The following BSN variants were observed in gnomAD, a reference collection of about 807,000 sequenced individuals.
BSN encodes the protein protein bassoon.
A neutral mutation model predicts 264.8 loss-of-function variants in BSN; 57 were observed. That is an observed-to-expected ratio of 0.22 (90% CI 0.17 to 0.27). BSN has a LOEUF of 0.27. Among genes scored for constraint, BSN ranks in the 10% least tolerant of loss-of-function variants. The pLI is 1.00. For missense variants in BSN, 4,615 were observed against 5,232.5 expected, an observed-to-expected ratio of 0.88 and a Z score of 3.64; for synonymous variants, 2,059 against 2,137.3, an observed-to-expected ratio of 0.96 and a Z score of 1.01.
intron 1 of BSN, among the ~76,000 whole-genome samples, chr3:49,616,817 G>A (rs532301726): frequency 1.3e-5 from 2 of 152,284 alleles, no homozygotes; most frequent in Admixed American, 1.3e-4. Context: ...GCCTTTCTGG[G>A]GGCTTCTGAC....
At position 49,663,453 on chromosome 3, in the gene BSN, G is replaced by A; in HGVS notation, c.11295G>A (p.Arg3765=). ...AGCAGTCACAGTCACCATCATCCAG[G>A]CAAATACCCTCTGGGGCAGCATCAC... ...GPQQSQSPSS[R]QIPSGAASRQ... Residue 3765 remains arginine (R), a synonymous_variant, in exon 7 of 12, where the codon AGG becomes AGA. Coordinates refer to ENST00000296452, the MANE Select transcript of BSN (RefSeq NM_003458.4). 1 of 1,612,954 alleles carries A rather than the reference G, an allele frequency of 6.2e-7. No individual in the cohort carries two copies.
At chr3:49,578,401 A>G (rs568211419) in intron 1 of BSN, among the ~76,000 whole-genome samples, 46 of 122,602 alleles carry the variant, frequency 3.8e-4, no homozygotes, top group Non-Finnish European at 5.5e-4. Context: ...TTCTACAACC[A>G]AAGCTACAGT....
At position 49,660,678 on chromosome 3, in the gene BSN, G is replaced by A; in HGVS notation, c.8833G>A (p.Asp2945Asn). The change falls in exon 6 of 12, where the codon GAC becomes AAC. Residue 2945 changes from aspartate (D) to asparagine (N), a missense_variant. Physicochemically the swap from Asp to Asn is conservative, Grantham distance 23. Coordinates refer to ENST00000296452, the MANE Select transcript of BSN (RefSeq NM_003458.4). The surrounding 1 kb of genome is among the most constrained non-coding windows in gnomAD (Gnocchi z 7.1). ...CAAGGCCAGCCTGCTCCGGGAGCTG[G>A]ACCGGGACCTGCGGCTGGTGGAGCA... is the stretch of plus-strand genomic sequence containing the variant. ...ATKASLLREL[D>N]RDLRLVEHES... 1 of 1,613,394 alleles carries A rather than the reference G, an allele frequency of 6.2e-7. No homozygotes were observed. Among genetic ancestry groups the A allele is most frequent in the South Asian group, 1.1e-5 (1 of 91,080 alleles).
rs1479119461 is a variant in BSN, at chr3:49,613,129, A to G, written c.225-11846A>G. ...GACTGGGCAACAAGAGTGAAACTCCATCTAAAGAAAACAACAACAACAACA... is the reference window on the plus strand; with the variant it reads ...GACTGGGCAACAAGAGTGAAACTCCGTCTAAAGAAAACAACAACAACAACA... On this transcript the variant is annotated intron_variant, in intron 1 of 11. Coordinates refer to ENST00000296452, the MANE Select transcript of BSN (RefSeq NM_003458.4). Among the ~76,000 whole-genome samples the G allele has an allele frequency of 3.3e-5, 5 of 152,050 alleles. No homozygotes were observed. The South Asian group carries it at 1.0e-3, about 32-fold the overall frequency.
At chr3:49,558,335 T>C (rs2051689668) in intron 1 of BSN, among the ~76,000 whole-genome samples, 1 of 152,356 alleles carries the variant, frequency 6.6e-6, no homozygotes, top group South Asian at 2.1e-4. Context: ...CCCTTCTCCA[T>C]CATTGCCCAT....
intron 1 of BSN, among the ~76,000 whole-genome samples, chr3:49,620,167 G>A (rs2052294005): frequency 1.3e-5 from 2 of 152,166 alleles, no homozygotes; most frequent in African/African-American, 4.8e-5. Flanking sequence ...GAGGGAGCAA[G>A]TGTCTGCAGA....
rs1251006915 is a variant in BSN, at chr3:49,625,299, C to T, written c.549C>T (p.Ser183=). Residue 183 remains serine, a synonymous_variant, in exon 2 of 12, where the codon AGC becomes AGT. Transcript: ENST00000296452. The surrounding 1 kb of genome is among the most constrained non-coding windows in gnomAD (Gnocchi z 4.4). ...CTTCGGACCTCACGTCGACCCCCAG[C>T]CAGCCAAACTTCAACACCTGCACCC... is the stretch of plus-strand genomic sequence containing the variant. ...CKTSDLTSTP[S]QPNFNTCTQC... 1.2e-6 allele frequency: 2 copies of T among 1,601,658 alleles called. No individual in the cohort carries two copies. The highest frequency in any genetic ancestry group is 1.1e-5 in the South Asian group (1 of 88,698).
At chr3:49,572,651 A>G (rs1392920706) in intron 1 of BSN, among the ~76,000 whole-genome samples, 1 of 152,098 alleles carries the variant, frequency 6.6e-6, no homozygotes, top group Non-Finnish European at 1.5e-5. Context: ...CTCCTGCCTC[A>G]GCCTCACGAG....
intron 1 of BSN, among the ~76,000 whole-genome samples, chr3:49,579,675 C>A (rs1448814815): frequency 6.6e-6 from 1 of 151,710 alleles, no homozygotes; most frequent in Non-Finnish European, 1.5e-5. Context: ...CCAGCCTCGG[C>A]CTCCCAAGGT....
At chr3:49,565,303 C>A (rs1324127390) in intron 1 of BSN, among the ~76,000 whole-genome samples, 2 of 135,380 alleles carry the variant, frequency 1.5e-5, no homozygotes, top group South Asian at 2.6e-4. Context: ...CCACCCACCA[C>A]GCCCAGCTAA....
Position 49,660,981 on chromosome 3 carries a change from T to G in BSN, c.9136T>G (p.Ser3046Ala), listed in dbSNP as rs1479340110. The change falls in exon 6 of 12, where the codon TCT becomes GCT. Residue 3046 changes from serine to alanine, a missense_variant. By Grantham distance (99) the Ser-to-Ala change is moderately conservative. Around this residue, in one of 3 missense-constraint regions of BSN, gnomAD observed 3,415 missense variants for 3,866.4 expected, o/e 0.88. Coordinates refer to ENST00000296452, the MANE Select transcript of BSN (RefSeq NM_003458.4). The surrounding 1 kb of genome is among the most constrained non-coding windows in gnomAD (Gnocchi z 7.1). ...CACTGCCGCTGCTCCTGCCACCCCC[T>G]CTGGTCCCACTGCCTTCCAGCAGCC... ...PATAAAPATP[S>A]GPTAFQQPRF... The G allele has an allele frequency of 1.9e-6, 3 of 1,611,386 alleles. No individual in the cohort carries two copies. The highest frequency in any genetic ancestry group is 2.5e-6 in the Non-Finnish European group (3 of 1,179,968).
At chr3:49,618,495 G>T (rs1245600049) in intron 1 of BSN, among the ~76,000 whole-genome samples, 2 of 152,124 alleles carry the variant, frequency 1.3e-5, no homozygotes, top group Non-Finnish European at 2.9e-5. Flanking sequence ...ATTCCCCTAT[G>T]TGAAAACCTT....
intron 1 of BSN, among the ~76,000 whole-genome samples, chr3:49,573,306 A>T (rs1559594980): frequency 6.6e-6 from 1 of 152,200 alleles, no homozygotes; most frequent in Admixed American, 6.5e-5. Context: ...GGAACCACAC[A>T]TGCAAAGGCC....
rs775422909 is a variant in BSN, at chr3:49,656,715, C to A, written c.7159C>A (p.Gln2387Lys). The A allele has an allele frequency of 2.2e-5, 34 of 1,579,790 alleles. No homozygotes were observed. Among genetic ancestry groups the A allele is most frequent in the Non-Finnish European group, 9.5e-6 (11 of 1,162,430 alleles). The change falls in exon 5 of 12, where the codon CAA (glutamine) becomes AAA (lysine). Residue 2387 changes from glutamine to lysine, a missense_variant. This residue lies in a region of BSN where 3,415 missense variants were observed against 3,866.4 expected (regional missense o/e 0.88). Transcript: ENST00000296452. ...RERVELEKLR[Q>K]LRLQEELERE... Reference sequence around the variant, plus strand: ...GCGGGTGGAGTTGGAGAAGCTGCGACAACTTCGGCTGCAAGAGGAGCTAGA... The same window carrying A: ...GCGGGTGGAGTTGGAGAAGCTGCGAAAACTTCGGCTGCAAGAGGAGCTAGA...
intron 1 of BSN, among the ~76,000 whole-genome samples, chr3:49,602,154 G>A (rs893579635): frequency 6.6e-6 from 1 of 152,230 alleles, no homozygotes; most frequent in Non-Finnish European, 1.5e-5. Context: ...TCCTTGGAGT[G>A]CCCTTGAGTT....
At position 49,573,657 on chromosome 3, in the gene BSN, GT is replaced by G. The variant is rs965564780; in HGVS notation, c.224+18848del. 1.8e-3 allele frequency among the ~76,000 whole-genome samples: 259 copies of G among 141,864 alleles called. 2 individuals carry two copies. Among genetic ancestry groups the G allele is most frequent in the Middle Eastern group, 0.015 (4 of 274 alleles). The allele number at this position is 141,864 out of a possible 152,430, so 93.1% of individuals were successfully genotyped here. A position where few individuals can be genotyped will look rare whatever the true frequency, so the allele number is the denominator to read the frequency against. ...AGGTAGCAGCAGTACTTTCTCTCTGGTTTTTTTTTTTTTTTTTGAGACGGAG... is the reference window on the plus strand; with the variant it reads ...AGGTAGCAGCAGTACTTTCTCTCTGGTTTTTTTTTTTTTTTTGAGACGGAG... On this transcript the variant is annotated intron_variant, in intron 1 of 11. Coordinates refer to ENST00000296452, the MANE Select transcript of BSN (RefSeq NM_003458.4).
intron 1 of BSN, among the ~76,000 whole-genome samples, chr3:49,599,283 A>G (rs1467743712): frequency 3.3e-5 from 5 of 152,194 alleles, no homozygotes; most frequent in Non-Finnish European, 5.9e-5. Flanking sequence ...GGCCTAGTGC[A>G]TGTCCACAGC....
At chr3:49,620,434 A>G (rs180736094) in intron 1 of BSN, among the ~76,000 whole-genome samples, 26 of 151,898 alleles carry the variant, frequency 1.7e-4, no homozygotes, top group Non-Finnish European at 2.7e-4. Flanking sequence ...CAAAAACAAA[A>G]CAAAACTAAA....
rs200886527 is a variant in BSN, at chr3:49,661,636, G to C, written c.9791G>C (p.Arg3264Pro). Reference protein sequence around the residue: ...LEPLGPGSSGRPGKEPGEPGV... With the variant: ...LEPLGPGSSGPPGKEPGEPGV... ...CCCCTGGGGCCAGGCAGCAGTGGGC[G>C]TCCAGGGAAGGAGCCTGGAGAACCA... The change falls in exon 6 of 12, where the codon CGT becomes CCT. Residue 3264 changes from arginine (R) to proline (P), a missense_variant. Around this residue, in one of 3 missense-constraint regions of BSN, gnomAD observed 3,415 missense variants for 3,866.4 expected, o/e 0.88. Coordinates refer to ENST00000296452, the MANE Select transcript of BSN (RefSeq NM_003458.4). 1 of 1,613,452 alleles carries C rather than the reference G, an allele frequency of 6.2e-7. No homozygotes were observed. Among genetic ancestry groups the C allele is most frequent in the African/African-American group, 1.3e-5 (1 of 74,942 alleles).
Sources: gnomAD v4.1 joint callset for allele counts (sites outside exome capture counted in the v4.1 genomes callset) on GRCh38, gnomAD v4.1.1 for gene constraint, gnomAD v4.1.1 regional missense constraint, Gnocchi (gnomAD v3.1) non-coding constraint, MANE v1.5 for transcripts, NCBI Gene and HGNC (gene_info 2026-07-23, HGNC 2026-07-21) for gene names.